The following ZC3H18 variants were observed in gnomAD, a reference collection of about 807,000 sequenced individuals.
ZC3H18 encodes the protein zinc finger CCCH-type containing 18.
Under a neutral mutation model 106.1 loss-of-function variants are expected in ZC3H18, and 8 were observed. That is an observed-to-expected ratio of 0.08 (90% CI 0.04 to 0.14). The LOEUF (loss-of-function observed/expected upper bound fraction) is 0.14. Ranked by LOEUF, ZC3H18 falls within the 10% of genes least tolerant of loss-of-function variation. The probability of loss-of-function intolerance (pLI) is 1.00; values close to 1 mark genes in which losing one functional copy is unlikely to be tolerated. For missense variants in ZC3H18, 1,318 were observed against 1,278.4 expected (o/e 1.03, Z -0.47); for synonymous variants, 635 against 522.1 (o/e 1.22, Z -2.95).
chr16:88,622,378 A>G lies in ZC3H18; in HGVS notation c.1657A>G (p.Asn553Asp), dbSNP rs952366663. ...KTSASSASASNSSRSSSRSSS... is the reference protein window; with the variant it reads ...KTSASSASASDSSRSSSRSSS... ...ATCAGCCTCGTCAGCCTCTGCCTCT[A>G]ATTCCTCCAGGTAAGGAGGGCTCGT... Residue 553 changes from asparagine (N) to aspartate (D), a missense_variant, in exon 9 of 18, where the codon AAT becomes GAT. Physicochemically the swap from Asn to Asp is conservative, Grantham distance 23. Transcript: ENST00000301011. 3.1e-6 allele frequency: 5 copies of G among 1,609,052 alleles called. No homozygotes were observed. The highest frequency in any genetic ancestry group is 2.7e-5 in the African/African-American group (2 of 74,828).
rs986502545 is a variant in ZC3H18 at position 88,631,801 on chromosome 16, A to G, written c.*502A>G. 1.0e-5 allele frequency: 3 copies of G among 301,142 alleles called. No individual in the cohort carries two copies. The highest frequency in any genetic ancestry group is 2.0e-5 in the Non-Finnish European group (3 of 152,174). 18.7% of individuals were successfully genotyped at this position (301,142 alleles called of 1,614,324 possible). ...TTCTCGACTAAAGTCTCATCAGGAA[A>G]TATTTCCTGTCTTTTATTTTAAGCA... On this transcript the variant is annotated 3_prime_UTR_variant, in exon 18 of 18. Coordinates refer to ENST00000301011, the MANE Select transcript of ZC3H18 (RefSeq NM_144604.4).
intron 2 of ZC3H18, 72 bp from the exon 3 acceptor site, chr16:88,586,528 C>G (rs1281436932): frequency 2.3e-6 from 3 of 1,292,928 alleles, no homozygotes; most frequent in Non-Finnish European, 3.4e-6. Flanking sequence ...CTTCCTGCCC[C>G]TTCTGGTTTG....
At chr16:88,575,069 T>G (rs1914661586) in intron 1 of ZC3H18, among the ~76,000 whole-genome samples, 1 of 151,438 alleles carries the variant, frequency 6.6e-6, no homozygotes, top group Non-Finnish European at 1.5e-5. Context: ...GACCTCGTGA[T>G]CCACCCGCCT....
chr16:88,597,283 G>A (rs536270524), intron 3 of ZC3H18, among the ~76,000 whole-genome samples: 17 of 152,178 alleles, frequency 1.1e-4, no homozygotes, highest in African/African-American at 3.1e-4. Context: ...GTTTTCTTTC[G>A]TGTTTAATTT....
At chr16:88,628,188 G>C (rs568485369) in intron 15 of ZC3H18, 69 bp downstream of exon 15, 167 of 1,560,496 alleles carry the variant, frequency 1.1e-4, no homozygotes, top group Non-Finnish European at 1.4e-4. Context: ...TCCTGAGACA[G>C]CTTCCTCCTG....
chr16:88,613,324 G>T (rs1905377291), intron 8 of ZC3H18, among the ~76,000 whole-genome samples: 1 of 152,192 alleles, frequency 6.6e-6, no homozygotes, highest in Non-Finnish European at 1.5e-5. Context: ...GCAAGTTTTT[G>T]TGTGGACATA....
chr16:88,598,651 C>A lies in ZC3H18; in HGVS notation c.869C>A (p.Pro290Gln), dbSNP rs1481367662. Residue 290 changes from proline to glutamine, a missense_variant, in exon 5 of 18, where the codon CCA becomes CAA. Pro to Gln is a moderately conservative substitution (Grantham distance 76, BLOSUM62 -1). Transcript: ENST00000301011. Reference sequence around the variant, plus strand: ...CCGGTAGTTGATGAAATTTTGCCTCCACCCCCTCCAGAGCCCCCAACAGAG... The same window carrying A: ...CCGGTAGTTGATGAAATTTTGCCTCAACCCCCTCCAGAGCCCCCAACAGAG... ...GGPVVDEILP[P>Q]PPPEPPTESA... 3 of 1,612,592 alleles carry A rather than the reference C, an allele frequency of 1.9e-6. No individual in the cohort carries two copies. Among genetic ancestry groups the A allele is most frequent in the South Asian group, 2.2e-5 (2 of 90,664 alleles).
intron 7 of ZC3H18, among the ~76,000 whole-genome samples, chr16:88,610,197 C>T (rs1462912779): frequency 3.3e-5 from 5 of 152,176 alleles, no homozygotes; most frequent in African/African-American, 1.2e-4. Context: ...CTGTGAGTTC[C>T]TCATCTTAGC....
rs967770096 is a variant in ZC3H18, at chr16:88,603,047, C to T, written c.1088+3099C>T. ...TGGTGCCATCTTGGCTCACTGTAAG[C>T]TCCGCCTCCTGGGTTCACGCCATTC... is the stretch of plus-strand genomic sequence containing the variant. On this transcript the variant is annotated intron_variant, in intron 6 of 17. Coordinates refer to ENST00000301011, the MANE Select transcript of ZC3H18 (RefSeq NM_144604.4). Among the ~76,000 whole-genome samples the T allele has an allele frequency of 5.3e-5, 8 of 151,848 alleles. No individual in the cohort carries two copies. The East Asian group carries it at 1.6e-3, about 30-fold the overall frequency.
rs1351616949 is a variant in ZC3H18, at chr16:88,629,080, T to TGC, written c.2566+226_2566+227insGC. 3.9e-5 allele frequency among the ~76,000 whole-genome samples: 6 copies of TGC among 152,398 alleles called. No individual in the cohort carries two copies. The East Asian group carries it at 1.2e-3, about 29-fold the overall frequency. On this transcript the variant is annotated intron_variant, in intron 16 of 17. Coordinates refer to ENST00000301011, the MANE Select transcript of ZC3H18 (RefSeq NM_144604.4). ...AGGACCGGGCGTGGTGGCTCACGCC[T>TGC]ATAATCCCAGCACTTTGGGAGGCTG...
At chr16:88,608,312 T>G (rs1905108544) in intron 6 of ZC3H18, among the ~76,000 whole-genome samples, 1 of 152,174 alleles carries the variant, frequency 6.6e-6, no homozygotes, top group Non-Finnish European at 1.5e-5. Context: ...AGTGTGTCAG[T>G]ATATTTTTAT....
At chr16:88,578,454 C>T (rs1914898290) in intron 2 of ZC3H18, among the ~76,000 whole-genome samples, 1 of 152,026 alleles carries the variant, frequency 6.6e-6, no homozygotes, top group Non-Finnish European at 1.5e-5. Context: ...CAAAGTCCTC[C>T]TGAGTGATAC....
chr16:88,579,921 G>A (rs1261025615), intron 2 of ZC3H18, among the ~76,000 whole-genome samples: 2 of 152,108 alleles, frequency 1.3e-5, no homozygotes, highest in Non-Finnish European at 1.5e-5. Context: ...CTCCTGCTGT[G>A]GGGGCAGCAG....
intron 3 of ZC3H18, among the ~76,000 whole-genome samples, chr16:88,587,867 C>T (rs963434928): frequency 4.6e-5 from 7 of 152,158 alleles, no homozygotes; most frequent in African/African-American, 9.7e-5. Flanking sequence ...TTAGAGCAGC[C>T]GGGAACGCCC....
rs1183869203 is a variant in ZC3H18 at position 88,609,033 on chromosome 16, G to A, written c.1188G>A (p.Glu396=). The A allele has an allele frequency of 2.5e-6, 4 of 1,613,222 alleles. No individual in the cohort carries two copies. Among genetic ancestry groups the A allele is most frequent in the African/African-American group, 2.7e-5 (2 of 74,904 alleles). The change falls in exon 7 of 18, where the codon GAG becomes GAA. Residue 396 remains glutamate (E), a synonymous_variant. Coordinates refer to ENST00000301011, the MANE Select transcript of ZC3H18 (RefSeq NM_144604.4). ...ENFRVQYTET[E]PYHNYRERER... ...TCAGGGTGCAGTATACAGAAACAGAGCCGTATCATAATTACCGAGTAAGTA... is the reference window on the plus strand; with the variant it reads ...TCAGGGTGCAGTATACAGAAACAGAACCGTATCATAATTACCGAGTAAGTA...
At chr16:88,589,093 G>T (rs11865270) in intron 3 of ZC3H18, among the ~76,000 whole-genome samples, 25,818 of 152,130 alleles carry the variant, frequency 0.17, 2,234 homozygotes, top group East Asian at 0.24. Flanking sequence ...CTGCCTACCT[G>T]CAGTTTATAT....
At chr16:88,571,546 A>C (rs1329961906) in intron 1 of ZC3H18, 2 of 865,772 alleles carry the variant, frequency 2.3e-6, no homozygotes. Flanking sequence ...TAAGGGCAGT[A>C]TGGAGCCCAG....
intron 3 of ZC3H18, among the ~76,000 whole-genome samples, chr16:88,591,269 C>CATTA (rs1244651592): frequency 6.6e-6 from 1 of 151,154 alleles, no homozygotes; most frequent in Non-Finnish European, 1.5e-5. Flanking sequence ...TGCACCTGGC[C>CATTA]TTCTGTCTTT....
chr16:88,613,790 T>TGTCACAATTAATGTTTTCTATTTTGTTGC (rs1651620142), intron 8 of ZC3H18, among the ~76,000 whole-genome samples: 1 of 152,210 alleles, frequency 6.6e-6, no homozygotes, highest in Admixed American at 6.5e-5. Context: ...TTGCTTATGG[T>TGTCACAATTAATGTTTTCTATTTTGTTGC]TTTGGTGTCA....
Sources: allele counts gnomAD v4.1 joint callset (sites outside exome capture counted in the v4.1 genomes callset), GRCh38; gene constraint gnomAD v4.1.1; transcripts MANE v1.5; gene names NCBI Gene and HGNC (gene_info 2026-07-23, HGNC 2026-07-21).